The following PPP3CC variants were observed in gnomAD, a reference collection of about 807,000 sequenced individuals.
The protein encoded by PPP3CC is serine/threonine-protein phosphatase 2B catalytic subunit gamma isoform.
Under a neutral mutation model 60.3 loss-of-function variants are expected in PPP3CC, and 35 were observed. That is an observed-to-expected ratio of 0.58 (90% CI 0.44 to 0.77). The LOEUF is 0.77. PPP3CC is among the 30% of genes least tolerant of loss of function. PPP3CC has a pLI of 0.00. For missense variants in PPP3CC, 570 were observed against 628.9 expected (o/e 0.91, Z 1.00); for synonymous variants, 206 against 224.3 (o/e 0.92, Z 0.73).
chr8:22,509,684 A>T (rs1476918769), intron 4 of PPP3CC, among the ~76,000 whole-genome samples: 3 of 152,134 alleles, frequency 2.0e-5, no homozygotes, highest in Non-Finnish European at 4.4e-5. Context: ...ATCAAAATAT[A>T]ATTTATTAAG....
At chr8:22,513,553 A>G in intron 6 of PPP3CC, 121 bp downstream of exon 6, 1 of 1,143,208 alleles carries the variant, frequency 8.7e-7, no homozygotes, top group Non-Finnish European at 1.2e-6. Context: ...TAATTTTTCG[A>G]TTAATAGGAG....
At chr8:22,525,363 A>C (rs1170579269) in intron 8 of PPP3CC, among the ~76,000 whole-genome samples, 1 of 152,056 alleles carries the variant, frequency 6.6e-6, no homozygotes, top group Non-Finnish European at 1.5e-5. Flanking sequence ...TTTCTGAAAA[A>C]GGGAACTCTA....
chr8:22,461,970 C>T (rs1837374573), intron 1 of PPP3CC, among the ~76,000 whole-genome samples: 1 of 152,174 alleles, frequency 6.6e-6, no homozygotes, highest in Non-Finnish European at 1.5e-5. Flanking sequence ...CACAGTGGCT[C>T]ACACCTTTAA....
intron 5 of PPP3CC, among the ~76,000 whole-genome samples, chr8:22,512,034 G>C (rs1839102566): frequency 6.6e-6 from 1 of 152,108 alleles, no homozygotes; most frequent in African/African-American, 2.4e-5. Flanking sequence ...CCAAGATTCT[G>C]TATCTTCATT....
chr8:22,522,594 A>G, intron 7 of PPP3CC, 26 bp downstream of exon 7: 1 of 1,595,272 alleles, frequency 6.3e-7, no homozygotes, highest in Non-Finnish European at 8.6e-7. Flanking sequence ...ATTGTACCAA[A>G]TATCGCTGCA....
At chr8:22,511,269 T>A in intron 5 of PPP3CC, 38 bp downstream of exon 5, 1 of 1,583,882 alleles carries the variant, frequency 6.3e-7, no homozygotes, top group African/African-American at 1.4e-5. Context: ...GGAATATTTT[T>A]AAAATGTGTT....
At position 22,441,414 on chromosome 8, in the gene PPP3CC, C is replaced by A. The variant is rs1207967502; in HGVS notation, c.5C>A (p.Ser2Tyr). M[S>Y]GRRFHLSTTD... ...CTGGAGGAGGCCGAGGGGACCATGT[C>A]CGGGAGGCGCTTCCACCTCTCCACC... The change falls in exon 1 of 14, where the codon TCC becomes TAC. Residue 2 changes from serine (S) to tyrosine (Y), a missense_variant. Physicochemically the swap from Ser to Tyr is moderately radical, Grantham distance 144. Coordinates refer to ENST00000240139, the MANE Select transcript of PPP3CC (RefSeq NM_005605.5). 5.2e-6 allele frequency: 8 copies of A among 1,543,592 alleles called. No homozygotes were observed. Among genetic ancestry groups the A allele is most frequent in the Non-Finnish European group, 7.0e-6 (8 of 1,145,090 alleles).
At chr8:22,464,303 G>T (rs1237736210) in intron 1 of PPP3CC, among the ~76,000 whole-genome samples, 1 of 152,106 alleles carries the variant, frequency 6.6e-6, no homozygotes, top group African/African-American at 2.4e-5. Flanking sequence ...AAGGACTAAA[G>T]CTTTGTTTTA....
At chr8:22,486,716 A>C (rs929776535) in intron 3 of PPP3CC, among the ~76,000 whole-genome samples, 6 of 148,994 alleles carry the variant, frequency 4.0e-5, no homozygotes, top group African/African-American at 1.5e-4. Context: ...TCCAGACTTG[A>C]TGTGTTTTTT....
At chr8:22,539,375 C>A (rs1210933280) in intron 12 of PPP3CC, 94 bp from the exon 13 acceptor site, 2 of 1,350,436 alleles carry the variant, frequency 1.5e-6, no homozygotes, top group African/African-American at 1.5e-5. Flanking sequence ...AAAAAACGGG[C>A]CCCTGGGATG....
chr8:22,527,469 A>G lies in PPP3CC; in HGVS notation c.1021A>G (p.Asn341Asp), dbSNP rs1225165453. ...NCSPHPYWLP[N>D]FMDVFTWSLP... ...TTCTCCACACCCCTACTGGCTTCCA[A>G]ACTTTATGGATGTTTTCACATGGTC... Residue 341 changes from asparagine to aspartate, a missense_variant, in exon 9 of 14, where the codon AAC (asparagine) becomes GAC (aspartate). Transcript: ENST00000240139. 2.5e-6 allele frequency: 4 copies of G among 1,613,922 alleles called. No individual in the cohort carries two copies. The highest frequency in any genetic ancestry group is 2.2e-5 in the East Asian group (1 of 44,894).
intron 3 of PPP3CC, among the ~76,000 whole-genome samples, chr8:22,491,892 T>C (rs74486148): frequency 0.03 from 4,640 of 152,322 alleles, 241 homozygotes; most frequent in African/African-American, 0.11. Flanking sequence ...TATTCTCTAC[T>C]TGTTGAGCTA....
intron 4 of PPP3CC, among the ~76,000 whole-genome samples, chr8:22,505,091 A>G (rs899039913): frequency 6.7e-6 from 1 of 149,400 alleles, no homozygotes; most frequent in African/African-American, 2.5e-5. Flanking sequence ...CAGTGGCACA[A>G]TCTCGGCTCA....
Position 22,527,377 on chromosome 8 carries a change from T to C in PPP3CC, c.944-15T>C, listed in dbSNP as rs1586866776. 2 of 1,613,238 alleles carry C rather than the reference T, an allele frequency of 1.2e-6. No individual in the cohort carries two copies. Among genetic ancestry groups the C allele is most frequent in the African/African-American group, 1.3e-5 (1 of 75,028 alleles). On this transcript the variant is annotated splice_polypyrimidine_tract_variant and intron_variant, in intron 8 of 13. Coordinates refer to ENST00000240139, the MANE Select transcript of PPP3CC (RefSeq NM_005605.5). ...GTTCCTCTGTGCCAGATTTTCTTGC[T>C]TTTTTCCTTTTTAGCTGCTGTGTTG...
chr8:22,467,418 T>C (rs1837575525), intron 1 of PPP3CC, among the ~76,000 whole-genome samples: 1 of 152,080 alleles, frequency 6.6e-6, no homozygotes, highest in Non-Finnish European at 1.5e-5. Context: ...AGATGTTCGC[T>C]TAGTCTATTC....
chr8:22,453,559 G>T (rs141191033), intron 1 of PPP3CC, among the ~76,000 whole-genome samples: 92 of 152,192 alleles, frequency 6.0e-4, no homozygotes, highest in Non-Finnish European at 1.2e-3. Context: ...GTATTTGCAG[G>T]ATGGGGTTTT....
intron 4 of PPP3CC, among the ~76,000 whole-genome samples, chr8:22,503,449 C>T (rs1221927540): frequency 6.6e-6 from 1 of 152,098 alleles, no homozygotes; most frequent in Non-Finnish European, 1.5e-5. Context: ...CTGCCTATGG[C>T]TGCCTTTGTT....
intron 1 of PPP3CC, among the ~76,000 whole-genome samples, chr8:22,445,316 C>T (rs1836789488): frequency 6.6e-6 from 1 of 152,130 alleles, no homozygotes; most frequent in Non-Finnish European, 1.5e-5. Context: ...TTTCTTTCCA[C>T]AACTCTCCCC....
At chr8:22,465,147 G>A (rs1837481305) in intron 1 of PPP3CC, among the ~76,000 whole-genome samples, 1 of 151,982 alleles carries the variant, frequency 6.6e-6, no homozygotes, top group Admixed American at 6.6e-5. Context: ...TTTTAGTAGA[G>A]ACGGGGTTTC....
Sources: allele counts gnomAD v4.1 joint callset (sites outside exome capture counted in the v4.1 genomes callset), GRCh38; gene constraint gnomAD v4.1.1; transcripts MANE v1.5; gene names NCBI Gene and HGNC (gene_info 2026-07-23, HGNC 2026-07-21).